Variants in ALOX5 observed in about 807,000 individuals in gnomAD.
ALOX5 encodes arachidonate 5-lipoxygenase.
Under a neutral mutation model 87.9 loss-of-function variants are expected in ALOX5, and 64 were observed. That is an observed-to-expected ratio of 0.73 (90% CI 0.60 to 0.90). The LOEUF is 0.90. ALOX5 is among the 40% of genes least tolerant of loss of function. The probability of loss-of-function intolerance (pLI) is 0.00; values close to 1 mark genes in which losing one functional copy is unlikely to be tolerated. For missense variants in ALOX5, 822 were observed against 907.5 expected, an observed-to-expected ratio of 0.91 and a Z score of 1.21; for synonymous variants, 388 against 355.1, an observed-to-expected ratio of 1.09 and a Z score of -1.04.
At chr10:45,396,493 G>A (rs1002035839) in intron 3 of ALOX5, among the ~76,000 whole-genome samples, 12 of 152,064 alleles carry the variant, frequency 7.9e-5, no homozygotes, top group South Asian at 6.2e-4. Context: ...AATGAAATGC[G>A]CAAATTCCTA....
intron 4 of ALOX5, among the ~76,000 whole-genome samples, chr10:45,422,978 T>C (rs751151026): frequency 1.3e-5 from 2 of 152,076 alleles, no homozygotes; most frequent in Non-Finnish European, 2.9e-5. Flanking sequence ...CTCGGTGCCT[T>C]CCTCTTCTTA....
At chr10:45,418,620 G>A (rs1452077582) in intron 4 of ALOX5, among the ~76,000 whole-genome samples, 1 of 152,140 alleles carries the variant, frequency 6.6e-6, no homozygotes, top group Non-Finnish European at 1.5e-5. Context: ...GCAGCCGGGG[G>A]CCATCTGACC....
intron 6 of ALOX5, among the ~76,000 whole-genome samples, chr10:45,427,311 A>C (rs1841745378): frequency 6.6e-6 from 1 of 152,182 alleles, no homozygotes; most frequent in Non-Finnish European, 1.5e-5. Context: ...CCTAGAAGGC[A>C]AGACATCACT....
intron 8 of ALOX5, 22 bp downstream of exon 8, chr10:45,440,655 C>T (rs748650254): frequency 1.7e-5 from 27 of 1,611,312 alleles, no homozygotes; most frequent in Non-Finnish European, 2.2e-5. Flanking sequence ...TACCGCCCCA[C>T]CTGCTATGGG....
At chr10:45,391,367 T>C (rs1156653902) in intron 2 of ALOX5, among the ~76,000 whole-genome samples, 11 of 152,202 alleles carry the variant, frequency 7.2e-5, no homozygotes, top group Admixed American at 6.5e-4. Context: ...GGTGCCGGGA[T>C]TGCAGACGGA....
Position 45,395,843 on chromosome 10 carries a change from C to A in ALOX5, c.350-12C>A. 1.2e-6 allele frequency: 2 copies of A among 1,613,706 alleles called. No individual in the cohort carries two copies. Among genetic ancestry groups the A allele is most frequent in the Non-Finnish European group, 1.7e-6 (2 of 1,179,592 alleles). Reference sequence around the variant, plus strand: ...TTCCTCAGGCTCCTCTCATGTTGTTCTTTCTTTACAGCAAAGTTGGCCCGA... The same window carrying A: ...TTCCTCAGGCTCCTCTCATGTTGTTATTTCTTTACAGCAAAGTTGGCCCGA... On this transcript the variant is annotated splice_polypyrimidine_tract_variant and intron_variant, in intron 2 of 13. Coordinates refer to ENST00000374391, the MANE Select transcript of ALOX5 (RefSeq NM_000698.5).
chr10:45,423,855 G>T (rs1422382578), intron 4 of ALOX5, among the ~76,000 whole-genome samples, 186 bp from the exon 5 acceptor site: 7 of 152,186 alleles, frequency 4.6e-5, no homozygotes, highest in African/African-American at 1.7e-4. Flanking sequence ...CAGGTGAGGT[G>T]CAGTAGAACA....
chr10:45,420,206 G>A lies in ALOX5; in HGVS notation c.555-3835G>A, dbSNP rs181118141. Among the ~76,000 whole-genome samples the A allele has an allele frequency of 1.5e-3, 221 of 152,204 alleles. 1 individual carries two copies. The highest frequency in any genetic ancestry group is 4.0e-3 in the African/African-American group (167 of 41,520). On this transcript the variant is annotated intron_variant, in intron 4 of 13. Transcript: ENST00000374391. ...TTAACTGATGCCTATAAAACATATT[G>A]ACTTTCATTAAATTTTGTTATGAAA... is the stretch of plus-strand genomic sequence containing the variant.
chr10:45,424,110 T>G lies in ALOX5; in HGVS notation c.624T>G (p.Phe208Leu), dbSNP rs774992398. 1 of 1,614,194 alleles carries G rather than the reference T, an allele frequency of 6.2e-7. No homozygotes were observed. Among genetic ancestry groups the G allele is most frequent in the Admixed American group, 1.7e-5 (1 of 60,030 alleles). Residue 208 changes from phenylalanine to leucine, a missense_variant, in exon 5 of 14, where the codon TTT becomes TTG. By Grantham distance (22) the Phe-to-Leu change is conservative (BLOSUM62 0). Transcript: ENST00000374391. ...FQSSWNDFAD[F>L]EKIFVKISNT... The stretch of plus-strand genomic sequence containing the variant: ...CTTCTTGGAATGACTTCGCCGACTT[T>G]GAGAAAATCTTTGTCAAGATCAGCA...
rs1842418635 is a variant in ALOX5 at position 45,445,700 on chromosome 10, TCTCA to T, written c.*16_*19del. ...TGTGGCCATCTGAGCACACTGCCAG[TCTCA>T]CTGTGGGAAGGCCAGCTGCCCCAGC... On this transcript the variant is annotated 3_prime_UTR_variant, in exon 14 of 14. Coordinates refer to ENST00000374391, the MANE Select transcript of ALOX5 (RefSeq NM_000698.5). 1.3e-6 allele frequency: 2 copies of T among 1,598,342 alleles called. No homozygotes were observed. The highest frequency in any genetic ancestry group is 1.7e-6 in the Non-Finnish European group (2 of 1,167,686).
At chr10:45,382,761 G>A in intron 2 of ALOX5, 80 bp downstream of exon 2, 1 of 1,501,018 alleles carries the variant, frequency 6.7e-7, no homozygotes, top group African/African-American at 1.4e-5. Context: ...TGTAGTCATA[G>A]GAGGAATGAC....
Position 45,388,777 on chromosome 10 carries a change from C to A in ALOX5, c.349+6096C>A, listed in dbSNP as rs118081602. Among the ~76,000 whole-genome samples, 1,222 of 152,346 alleles carry A rather than the reference C, an allele frequency of 8.0e-3. 25 individuals are homozygous for A. The highest frequency in any genetic ancestry group is 0.069 in the East Asian group (358 of 5,182). On this transcript the variant is annotated intron_variant, in intron 2 of 13. Transcript: ENST00000374391. Reference sequence around the variant, plus strand: ...CAGAAAAGCTGAACATTCTACAAATCAGAGTGCCTCTCCCCTTCCAAAGGA... The same window carrying A: ...CAGAAAAGCTGAACATTCTACAAATAAGAGTGCCTCTCCCCTTCCAAAGGA...
chr10:45,428,354 G>C (rs1841802538), intron 6 of ALOX5: 1 of 510,334 alleles, frequency 2.0e-6, no homozygotes, highest in East Asian at 3.1e-5. Context: ...CTCATCTTTC[G>C]TGCCAGTCAA....
intron 8 of ALOX5, 38 bp from the exon 9 acceptor site, chr10:45,441,306 T>C (rs1241981065): frequency 1.3e-6 from 2 of 1,590,298 alleles, no homozygotes. Flanking sequence ...GTCACCTGAC[T>C]GGGCCCCCTC....
intron 2 of ALOX5, among the ~76,000 whole-genome samples, chr10:45,387,353 A>T (rs1470533425): frequency 1.3e-5 from 2 of 152,198 alleles, no homozygotes; most frequent in Non-Finnish European, 2.9e-5. Flanking sequence ...ACTTAGAAAC[A>T]TAAGAGCTGT....
intron 4 of ALOX5, among the ~76,000 whole-genome samples, chr10:45,421,317 C>A (rs544243592): frequency 6.6e-6 from 1 of 152,348 alleles, no homozygotes; most frequent in African/African-American, 2.4e-5. Flanking sequence ...ACAGACCCAG[C>A]TGGGTAATTG....
At chr10:45,391,222 G>A (rs1007627569) in intron 2 of ALOX5, among the ~76,000 whole-genome samples, 2 of 152,032 alleles carry the variant, frequency 1.3e-5, no homozygotes, top group African/African-American at 4.8e-5. Flanking sequence ...CCTGCCGAGT[G>A]CCTGCGATTG....
intron 2 of ALOX5, among the ~76,000 whole-genome samples, chr10:45,392,417 T>G (rs1181387571): frequency 1.3e-5 from 2 of 151,546 alleles, no homozygotes; most frequent in African/African-American, 2.4e-5. Context: ...CCCCCAACCC[T>G]GTGCTCTCTG....
chr10:45,443,510 T>G lies in ALOX5; in HGVS notation c.1546T>G (p.Tyr516Asp). ...LQDFVNDVYV[Y>D]GMRGRKSSGF... ...GGACTTCGTGAACGATGTCTACGTG[T>G]ACGGCATGCGGGGCCGCAAGTCCTC... The change falls in exon 11 of 14, where the codon TAC (tyrosine) becomes GAC (aspartate). Residue 516 changes from tyrosine to aspartate, a missense_variant. Tyr to Asp is a radical substitution (Grantham distance 160). Coordinates refer to ENST00000374391, the MANE Select transcript of ALOX5 (RefSeq NM_000698.5). 6.2e-7 allele frequency: 1 copy of G among 1,613,052 alleles called. No homozygotes were observed. Among genetic ancestry groups the G allele is most frequent in the African/African-American group, 1.3e-5 (1 of 75,006 alleles).
Sources: allele counts gnomAD v4.1 joint callset (sites outside exome capture counted in the v4.1 genomes callset), GRCh38; gene constraint gnomAD v4.1.1; transcripts MANE v1.5; gene names NCBI Gene and HGNC (gene_info 2026-07-23, HGNC 2026-07-21).